The following SAMMSON variants were observed in gnomAD, a reference collection of about 807,000 sequenced individuals.
SAMMSON encodes long intergenic non-protein coding RNA 1212.
At chr3:70,028,010 C>T (rs2067048120) in intron 3 of SAMMSON, among the ~76,000 whole-genome samples, 1 of 152,200 alleles carries the variant, frequency 6.6e-6, no homozygotes, top group Admixed American at 6.5e-5. Context: ...AATGGCTTTG[C>T]ATTTTCAGTT....
At chr3:70,246,617 A>G (rs1265849798) in intron 4 of SAMMSON, among the ~76,000 whole-genome samples, 1 of 152,120 alleles carries the variant, frequency 6.6e-6, no homozygotes, top group Non-Finnish European at 1.5e-5. Context: ...ATACTTGATA[A>G]CTGAAACGTA....
At chr3:70,074,353 A>C (rs1433948545) in intron 4 of SAMMSON, among the ~76,000 whole-genome samples, 5 of 152,108 alleles carry the variant, frequency 3.3e-5, no homozygotes, top group Admixed American at 2.6e-4. Context: ...TTTAGGAGAT[A>C]GGGAAATTTA....
chr3:70,431,282 A>G (rs908973896), intron 2 of SAMMSON, among the ~76,000 whole-genome samples: 1 of 152,092 alleles, frequency 6.6e-6, no homozygotes, highest in Non-Finnish European at 1.5e-5. Context: ...TGGTAAAAAT[A>G]TAGCTTCTCT....
intron 3 of SAMMSON, among the ~76,000 whole-genome samples, chr3:70,049,536 T>G (rs184578416): frequency 6.6e-6 from 1 of 152,236 alleles, no homozygotes; most frequent in African/African-American, 2.4e-5. Context: ...TAAGAATATC[T>G]CTTTCTTTAG....
intron 8 of SAMMSON, among the ~76,000 whole-genome samples, chr3:70,357,503 A>T (rs979647463): frequency 6.6e-6 from 1 of 152,020 alleles, no homozygotes; most frequent in Admixed American, 6.6e-5. Flanking sequence ...AGTTGAGTGG[A>T]TTTTCAAAAA....
chr3:70,079,905 G>A (rs1345154154), intron 4 of SAMMSON, among the ~76,000 whole-genome samples: 2 of 152,182 alleles, frequency 1.3e-5, no homozygotes, highest in Admixed American at 6.5e-5. Flanking sequence ...GCTTATAGCT[G>A]TGCTCTCCTC....
In SAMMSON at chr3:70,129,486, C is replaced by T. The variant is rs117219540; in HGVS notation, n.507+57921C>T. Among the ~76,000 whole-genome samples the T allele has an allele frequency of 1.2e-3, 179 of 152,204 alleles. 3 individuals are homozygous for T. The East Asian group carries it at 0.028, about 24-fold the overall frequency. On this transcript the variant is annotated intron_variant and non_coding_transcript_variant, in intron 4 of 9. Transcript: ENST00000642114. ...TGATAGTATATGTTTGACATGGAAA[C>T]AATGTTAGGGATGGCCTATTTTTAA...
chr3:70,174,846 A>G (rs1039277960), intron 4 of SAMMSON, among the ~76,000 whole-genome samples: 8 of 151,998 alleles, frequency 5.3e-5, no homozygotes, highest in Non-Finnish European at 1.0e-4. Flanking sequence ...CTAGGTGGAC[A>G]ATCTAATTTC....
intron 9 of SAMMSON, among the ~76,000 whole-genome samples, chr3:70,370,821 A>G (rs948806395): frequency 2.0e-5 from 3 of 151,896 alleles, no homozygotes; most frequent in African/African-American, 7.2e-5. Flanking sequence ...TTAGTTTAAT[A>G]TAGTCCTATT....
chr3:70,104,245 A>G (rs1384234967), intron 4 of SAMMSON, among the ~76,000 whole-genome samples: 1 of 151,704 alleles, frequency 6.6e-6, no homozygotes, highest in Non-Finnish European at 1.5e-5. Flanking sequence ...AGTTTAGTGT[A>G]GCAATCAGCA....
intron 4 of SAMMSON, among the ~76,000 whole-genome samples, chr3:70,155,015 GT>G (rs142085321): frequency 0.012 from 1,814 of 147,426 alleles, 22 homozygotes; most frequent in Non-Finnish European, 0.018. Context: ...AACATTTCAT[GT>G]TTTTTTTTTT....
chr3:70,290,020 T>G (rs1702215531), intron 6 of SAMMSON, among the ~76,000 whole-genome samples: 1 of 152,182 alleles, frequency 6.6e-6, no homozygotes, highest in African/African-American at 2.4e-5. Flanking sequence ...CTCCCGTAGC[T>G]CAGAGTAATT....
At chr3:70,103,994 C>CTTTT (rs11357634) in intron 4 of SAMMSON, among the ~76,000 whole-genome samples, 21 of 138,714 alleles carry the variant, frequency 1.5e-4, no homozygotes, top group African/African-American at 5.6e-4. Context: ...TTCATTTAAG[C>CTTTT]TTTTTTTTTT....
chr3:70,121,223 G>A (rs77444518), intron 4 of SAMMSON, among the ~76,000 whole-genome samples: 4,702 of 152,300 alleles, frequency 0.031, 158 homozygotes, highest in East Asian at 0.19. Context: ...AAACACAGAT[G>A]AAGCTCCACT....
intron 1 of SAMMSON, among the ~76,000 whole-genome samples, chr3:70,007,530 G>C (rs573569976): frequency 6.6e-6 from 1 of 152,064 alleles, no homozygotes; most frequent in African/African-American, 2.4e-5. Context: ...GTTCATTGTA[G>C]ATTCTGGATA....
At chr3:70,421,392 A>G (rs1701311687) in intron 2 of SAMMSON, among the ~76,000 whole-genome samples, 1 of 152,160 alleles carries the variant, frequency 6.6e-6, no homozygotes, top group Non-Finnish European at 1.5e-5. Flanking sequence ...TTTCCTAAAG[A>G]ACCTCTAGTG....
chr3:70,259,484 C>A (rs946015241), intron 6 of SAMMSON, among the ~76,000 whole-genome samples: 1 of 152,042 alleles, frequency 6.6e-6, no homozygotes, highest in Non-Finnish European at 1.5e-5. Context: ...CACGCAAGCA[C>A]TTGAAGGGCA....
chr3:70,061,236 G>T (rs2067187238), intron 3 of SAMMSON, among the ~76,000 whole-genome samples: 1 of 152,016 alleles, frequency 6.6e-6, no homozygotes, highest in Non-Finnish European at 1.5e-5. Context: ...ATACCGACAG[G>T]ACCTCCAGTT....
chr3:70,139,654 A>T (rs548310004), intron 4 of SAMMSON, among the ~76,000 whole-genome samples: 7 of 152,098 alleles, frequency 4.6e-5, no homozygotes, highest in Non-Finnish European at 1.0e-4. Flanking sequence ...TGGGGTAAGG[A>T]AGCCCATGAC....
Sources: allele counts gnomAD v4.1 joint callset (sites outside exome capture counted in the v4.1 genomes callset), GRCh38; gene constraint gnomAD v4.1.1; transcripts MANE v1.5; gene names NCBI Gene and HGNC (gene_info 2026-07-23, HGNC 2026-07-21).